Variants in ECT2 observed in about 807,000 individuals in gnomAD.
ECT2 encodes protein ECT2.
A neutral mutation model predicts 116.9 loss-of-function variants in ECT2; 61 were observed. The ratio of observed to expected loss-of-function variants is 0.52; its 90% confidence interval spans 0.42 to 0.65. The LOEUF (loss-of-function observed/expected upper bound fraction) is 0.65, where lower values mean the gene tolerates loss of function less well. Ranked by LOEUF, ECT2 falls within the 30% of genes least tolerant of loss-of-function variation. The probability of loss-of-function intolerance (pLI) is 0.00; values close to 1 mark genes in which losing one functional copy is unlikely to be tolerated. For synonymous variants in ECT2, 358 were observed against 346.4 expected, an observed-to-expected ratio of 1.03 and a Z score of -0.37; for missense variants, 937 against 1,078.7, an observed-to-expected ratio of 0.87 and a Z score of 1.84.
At position 172,755,351 on chromosome 3, in the gene ECT2, G is replaced by A; in HGVS notation, c.187G>A (p.Glu63Lys). ...VILVQEAGKQ[E>K]ELIKALKTIK... ...ATTGGTTCAAGAAGCTGGAAAACAA[G>A]AAGAACTTATAAAAGCCTTAAAGGT... The change falls in exon 3 of 25, where the codon GAA (glutamate) becomes AAA (lysine). Residue 63 changes from glutamate to lysine, a missense_variant. Transcript: ENST00000392692. 1 of 1,604,742 alleles carries A rather than the reference G, an allele frequency of 6.2e-7. No individual in the cohort carries two copies. The highest frequency in any genetic ancestry group is 1.1e-5 in the South Asian group (1 of 88,486).
At position 172,758,960 on chromosome 3, in the gene ECT2, A is replaced by T. The variant is rs1419941696; in HGVS notation, c.487-20A>T. The T allele has an allele frequency of 2.5e-6, 4 of 1,579,238 alleles. No individual in the cohort carries two copies. In the South Asian group the frequency reaches 4.6e-5, roughly 18 times the overall value. On this transcript the variant is annotated intron_variant, in intron 5 of 24. Coordinates refer to ENST00000392692, the MANE Select transcript of ECT2 (RefSeq NM_001258315.2). ...TCTACTAAAGAGAAAGCTCACATTT[A>T]AAATTGTTGTATCCTTCAGCCTTTG...
chr3:172,766,925 T>C (rs1359144719), intron 12 of ECT2, among the ~76,000 whole-genome samples: 1 of 152,220 alleles, frequency 6.6e-6, no homozygotes, highest in East Asian at 1.9e-4. Flanking sequence ...ACCACCGAAG[T>C]AAACAGATGT....
chr3:172,788,499 C>G (rs1297916728), intron 18 of ECT2, among the ~76,000 whole-genome samples: 2 of 152,166 alleles, frequency 1.3e-5, no homozygotes, highest in Admixed American at 6.5e-5. Flanking sequence ...ACTCATGCCC[C>G]TTGGTAATCT....
intron 18 of ECT2, among the ~76,000 whole-genome samples, chr3:172,799,885 T>C (rs1375561561): frequency 1.3e-5 from 2 of 152,236 alleles, no homozygotes; most frequent in East Asian, 3.8e-4. Flanking sequence ...CTAATACCTA[T>C]GGAATTAACA....
chr3:172,809,677 C>CT (rs1464227186), intron 22 of ECT2, among the ~76,000 whole-genome samples: 1 of 151,894 alleles, frequency 6.6e-6, no homozygotes, highest in Admixed American at 6.6e-5. Flanking sequence ...TTTTGGTACC[C>CT]TGTATATATA....
At chr3:172,762,585 G>A (rs1050733701) in intron 9 of ECT2, 39 bp downstream of exon 9, 3 of 1,578,474 alleles carry the variant, frequency 1.9e-6, no homozygotes, top group Non-Finnish European at 2.6e-6. Context: ...ATCTATTTTA[G>A]TCCCTAGGCC....
At chr3:172,763,931 T>C (rs1402318398) in intron 11 of ECT2, among the ~76,000 whole-genome samples, 1 of 152,246 alleles carries the variant, frequency 6.6e-6, no homozygotes, top group African/African-American at 2.4e-5. Context: ...TTGGAAAGCA[T>C]TGTGTCCAGG....
Position 172,802,989 on chromosome 3 carries a change from G to GTAC in ECT2, c.2106+11_2106+13dup, listed in dbSNP as rs1223835309. The GTAC allele has an allele frequency of 6.2e-7, 1 of 1,606,956 alleles. No individual in the cohort carries two copies. The highest frequency in any genetic ancestry group is 1.7e-5 in the Admixed American group (1 of 58,776). ...TCAATGATTGCCTAGAGGTAAAGAT[G>GTAC]TACTTCACATAGTATAATAACACTA... On this transcript the variant is annotated intron_variant, in intron 20 of 24. Transcript: ENST00000392692.
chr3:172,789,989 G>A (rs1328212788), intron 18 of ECT2, among the ~76,000 whole-genome samples: 1 of 149,984 alleles, frequency 6.7e-6, no homozygotes, highest in East Asian at 1.9e-4. Flanking sequence ...GACCTCCCAC[G>A]ATTCACAAAT....
downstream of ECT2, among the ~76,000 whole-genome samples, chr3:172,822,419 C>T (rs1432894691): frequency 6.6e-6 from 1 of 151,722 alleles, no homozygotes; most frequent in East Asian, 1.9e-4. Context: ...TCTGGAAATC[C>T]TCAGATATGA....
intron 6 of ECT2, 68 bp from the exon 7 acceptor site, chr3:172,760,088 G>A: frequency 2.1e-6 from 2 of 943,870 alleles, no homozygotes; most frequent in South Asian, 3.7e-5. Context: ...CTAAATGTGG[G>A]GTAAACATAG....
chr3:172,786,540 G>T lies in ECT2; in HGVS notation c.1873G>T (p.Glu625Ter). ...TGAAAATCCAGACAAAAGCACTTTA[G>T]AAAAAGCTATTGGATCACTGAAGGA... ...ADENPDKSTL[E>*]KAIGSLKEVM... Residue 625 changes from glutamate (E) to a stop codon, truncating the protein, a stop_gained, in exon 18 of 25, where the codon GAA (glutamate) becomes TAA (stop). Coordinates refer to ENST00000392692, the MANE Select transcript of ECT2 (RefSeq NM_001258315.2). LOFTEE classifies it high-confidence loss of function. 6.2e-7 allele frequency: 1 copy of T among 1,610,856 alleles called. No individual in the cohort carries two copies. Among genetic ancestry groups the T allele is most frequent in the Non-Finnish European group, 8.5e-7 (1 of 1,178,024 alleles).
intron 12 of ECT2, among the ~76,000 whole-genome samples, chr3:172,765,674 T>A (rs1719234934): frequency 6.6e-6 from 1 of 152,318 alleles, no homozygotes; most frequent in Admixed American, 6.5e-5. Context: ...GAAAAATCTT[T>A]AAAAATATAT....
intron 18 of ECT2, among the ~76,000 whole-genome samples, chr3:172,792,084 C>A (rs1228888535): frequency 6.6e-6 from 1 of 152,154 alleles, no homozygotes; most frequent in Non-Finnish European, 1.5e-5. Context: ...AACACACACA[C>A]ACTTATCAAT....
At chr3:172,793,574 C>A (rs531328652) in intron 18 of ECT2, among the ~76,000 whole-genome samples, 2 of 152,270 alleles carry the variant, frequency 1.3e-5, no homozygotes, top group East Asian at 3.9e-4. Context: ...AGCAATTCTC[C>A]CGCCTCAGCC....
chr3:172,802,007 T>C (rs1425153693), intron 18 of ECT2, among the ~76,000 whole-genome samples: 1 of 152,206 alleles, frequency 6.6e-6, no homozygotes, highest in Middle Eastern at 3.2e-3. Flanking sequence ...ACAGGTTTAG[T>C]GTATTTTAGA....
chr3:172,810,634 A>AGG (rs1198254679), intron 22 of ECT2, among the ~76,000 whole-genome samples: 2 of 152,130 alleles, frequency 1.3e-5, no homozygotes, highest in Non-Finnish European at 2.9e-5. Context: ...CACAGGCTAA[A>AGG]GGGAGGGGAC....
chr3:172,815,647 A>G lies in ECT2; in HGVS notation c.2444A>G (p.Asn815Ser). Residue 815 changes from asparagine to serine, a missense_variant, in exon 23 of 25, where the codon AAT becomes AGT. By Grantham distance (46) the Asn-to-Ser change is conservative. Transcript: ENST00000392692. ...GCTGATCCAGAATCCTTTGAAGTAA[A>G]TACAAAAGATATGGACAGTACATTG... The part of the protein sequence containing the change: ...YTADPESFEV[N>S]TKDMDSTLSR... 1.2e-6 allele frequency: 2 copies of G among 1,602,632 alleles called. No individual in the cohort carries two copies. Among genetic ancestry groups the G allele is most frequent in the Non-Finnish European group, 1.7e-6 (2 of 1,175,360 alleles).
chr3:172,776,205 T>A (rs866762642), intron 14 of ECT2, among the ~76,000 whole-genome samples: 2 of 120,422 alleles, frequency 1.7e-5, no homozygotes, highest in Admixed American at 8.2e-5. Context: ...TTTCTTTTTT[T>A]TTTTTTTTTT....
Sources: gnomAD v4.1 joint callset for allele counts (sites outside exome capture counted in the v4.1 genomes callset) on GRCh38, gnomAD v4.1.1 for gene constraint, MANE v1.5 for transcripts, NCBI Gene and HGNC (gene_info 2026-07-23, HGNC 2026-07-21) for gene names.